The following KCTD16 variants were observed in gnomAD, a reference collection of about 807,000 sequenced individuals.
The protein encoded by KCTD16 is BTB/POZ domain-containing protein KCTD16.
A neutral mutation model predicts 33.2 loss-of-function variants in KCTD16; 13 were observed. The observed-to-expected ratio is 0.39, with a 90% CI of 0.25 to 0.62. The LOEUF (loss-of-function observed/expected upper bound fraction) is 0.62. Among genes scored for constraint, KCTD16 ranks in the 20% least tolerant of loss-of-function variants. The probability of loss-of-function intolerance (pLI) is 0.50; values close to 1 mark genes in which losing one functional copy is unlikely to be tolerated. For synonymous variants in KCTD16, 197 were observed against 195.3 expected (o/e 1.01, Z -0.07); for missense variants, 441 against 525.1 (o/e 0.84, Z 1.57).
At chr5:144,208,624 T>G (rs969017664) in intron 3 of KCTD16, among the ~76,000 whole-genome samples, 2 of 152,248 alleles carry the variant, frequency 1.3e-5, no homozygotes, top group East Asian at 1.9e-4. Flanking sequence ...ATATCTAAAT[T>G]TCTTTAAACA....
At chr5:144,223,149 C>T (rs752222887) in intron 3 of KCTD16, among the ~76,000 whole-genome samples, 4 of 151,632 alleles carry the variant, frequency 2.6e-5, no homozygotes, top group South Asian at 2.1e-4. Flanking sequence ...GTTGTGGGGT[C>T]GGGGGAGCGG....
At chr5:144,255,402 A>G (rs962674472) in intron 3 of KCTD16, among the ~76,000 whole-genome samples, 1 of 151,272 alleles carries the variant, frequency 6.6e-6, no homozygotes, top group Non-Finnish European at 1.5e-5. Flanking sequence ...TTTTAGGGGA[A>G]CCTCCATTCC....
intron 3 of KCTD16, among the ~76,000 whole-genome samples, chr5:144,226,811 G>T (rs1012986957): frequency 6.6e-6 from 1 of 152,126 alleles, no homozygotes; most frequent in African/African-American, 2.4e-5. Context: ...GACCTCAGGT[G>T]ATCTGCCCGC....
At chr5:144,444,687 A>G (rs1753782253) in intron 3 of KCTD16, among the ~76,000 whole-genome samples, 1 of 151,924 alleles carries the variant, frequency 6.6e-6, no homozygotes, top group Non-Finnish European at 1.5e-5. Flanking sequence ...ATAAAGTCTT[A>G]CTATCAAAAA....
At chr5:144,175,555 C>A (rs1003593692) in intron 2 of KCTD16, among the ~76,000 whole-genome samples, 6 of 152,158 alleles carry the variant, frequency 3.9e-5, no homozygotes, top group Non-Finnish European at 5.9e-5. Context: ...AATATTTAAA[C>A]CTTATGTTTA....
At chr5:144,380,019 A>C (rs1487043589) in intron 3 of KCTD16, among the ~76,000 whole-genome samples, 1 of 152,136 alleles carries the variant, frequency 6.6e-6, no homozygotes, top group Non-Finnish European at 1.5e-5. Context: ...TGCAGTTGCA[A>C]GTGTGGTTTC....
intron 3 of KCTD16, among the ~76,000 whole-genome samples, chr5:144,466,944 C>T (rs951446957): frequency 1.3e-4 from 17 of 133,882 alleles, no homozygotes; most frequent in African/African-American, 4.2e-4. Flanking sequence ...AAGAGTTAAC[C>T]GTTACTATAT....
intron 3 of KCTD16, among the ~76,000 whole-genome samples, chr5:144,281,098 C>A (rs1291706374): frequency 6.6e-6 from 1 of 152,222 alleles, no homozygotes; most frequent in Non-Finnish European, 1.5e-5. Flanking sequence ...AGGAGAATGG[C>A]GTGAACCTGG....
intron 3 of KCTD16, among the ~76,000 whole-genome samples, chr5:144,414,070 T>G (rs995359964): frequency 2.6e-5 from 4 of 152,206 alleles, no homozygotes; most frequent in African/African-American, 9.6e-5. Context: ...ATTTCACACC[T>G]GTAAGACTTC....
intron 3 of KCTD16, among the ~76,000 whole-genome samples, chr5:144,283,005 C>T (rs1036390642): frequency 6.6e-6 from 1 of 152,146 alleles, no homozygotes; most frequent in Admixed American, 6.6e-5. Context: ...GTACCCTTTC[C>T]TGGTACCCTG....
intron 3 of KCTD16, among the ~76,000 whole-genome samples, chr5:144,223,715 C>G (rs1053426610): frequency 6.6e-6 from 1 of 151,910 alleles, no homozygotes. Context: ...TAGAGCATCC[C>G]GAGGTGGAGA....
intron 3 of KCTD16, among the ~76,000 whole-genome samples, chr5:144,225,212 G>A (rs1753893321): frequency 1.3e-5 from 2 of 152,100 alleles, no homozygotes; most frequent in African/African-American, 4.8e-5. Flanking sequence ...ATGGGAGAAG[G>A]TGCTTAACAT....
At chr5:144,421,818 G>C (rs532734101) in intron 3 of KCTD16, among the ~76,000 whole-genome samples, 7 of 152,084 alleles carry the variant, frequency 4.6e-5, no homozygotes, top group Non-Finnish European at 7.4e-5. Context: ...TTAGAATCCA[G>C]GGAGAAAGTA....
rs1375013571 is a variant in KCTD16, at chr5:144,485,600, G to T, written c.*11486G>T. Reference sequence around the variant, plus strand: ...CTTGTGTGAATATAATTACAGAATAGGTAACTATTTTTATGTGTTTCCATA... The same window carrying T: ...CTTGTGTGAATATAATTACAGAATATGTAACTATTTTTATGTGTTTCCATA... On this transcript the variant is annotated 3_prime_UTR_variant, in exon 4 of 4. Transcript: ENST00000512467. The T allele has an allele frequency of 6.6e-6, 1 of 151,828 alleles. No homozygotes were observed. The highest frequency in any genetic ancestry group is 1.5e-5 in the Non-Finnish European group (1 of 67,882). The allele number at this position is 151,828 out of a possible 1,614,324, so 9.4% of individuals were successfully genotyped here. A position where few individuals can be genotyped will look rare whatever the true frequency, so the allele number is the denominator to read the frequency against.
At chr5:144,340,686 T>C (rs1197763923) in intron 3 of KCTD16, among the ~76,000 whole-genome samples, 1 of 152,032 alleles carries the variant, frequency 6.6e-6, no homozygotes, top group Non-Finnish European at 1.5e-5. Flanking sequence ...CACCGGAACT[T>C]CTCTCTCCAC....
chr5:144,210,386 A>G (rs6868068), intron 3 of KCTD16, among the ~76,000 whole-genome samples: 24,509 of 152,104 alleles, frequency 0.16, 2,623 homozygotes, highest in African/African-American at 0.3. Context: ...TGATTCACTT[A>G]TATGCAACTA....
At chr5:144,356,602 T>G (rs193012539) in intron 3 of KCTD16, among the ~76,000 whole-genome samples, 2 of 152,256 alleles carry the variant, frequency 1.3e-5, no homozygotes, top group East Asian at 3.9e-4. Flanking sequence ...TCCCAGGAGT[T>G]TTTATTTACT....
At chr5:144,209,569 G>A (rs1403975865) in intron 3 of KCTD16, among the ~76,000 whole-genome samples, 1 of 151,930 alleles carries the variant, frequency 6.6e-6, no homozygotes, top group African/African-American at 2.4e-5. Flanking sequence ...AAAACTGACA[G>A]CTGGCTTTCT....
chr5:144,317,205 A>G lies in KCTD16; in HGVS notation c.832+109659A>G, dbSNP rs184168027. 3.5e-4 allele frequency among the ~76,000 whole-genome samples: 54 copies of G among 152,226 alleles called. 1 individual carries two copies. Among genetic ancestry groups the G allele is most frequent in the Admixed American group, 6.5e-5 (1 of 15,286 alleles). On this transcript the variant is annotated intron_variant, in intron 3 of 3. Transcript: ENST00000512467. The stretch of plus-strand genomic sequence containing the variant: ...TGGCAACCAAGTCTTCAAAACATAA[A>G]CATTAAGGAGTGCAGTGACTTCCCC...
Sources: allele counts gnomAD v4.1 joint callset (sites outside exome capture counted in the v4.1 genomes callset), GRCh38; gene constraint gnomAD v4.1.1; transcripts MANE v1.5; gene names NCBI Gene and HGNC (gene_info 2026-07-23, HGNC 2026-07-21).